CTNNA3: variants seen among roughly 807,000 people sequenced by gnomAD.
The protein encoded by CTNNA3 is catenin alpha-3.
In CTNNA3, 76 loss-of-function variants were observed where a neutral mutation model predicts 95.7. The observed-to-expected ratio is 0.79, with a 90% confidence interval of 0.66 to 0.96. The LOEUF (loss-of-function observed/expected upper bound fraction) is 0.96, where lower values mean the gene tolerates loss of function less well. Ranked by LOEUF, CTNNA3 falls within the 40% of genes least tolerant of loss-of-function variation. The pLI is 0.00. For missense variants in CTNNA3, 1,191 were observed against 1,089.8 expected, an observed-to-expected ratio of 1.09 and a Z score of -1.31; for synonymous variants, 431 against 374.4, an observed-to-expected ratio of 1.15 and a Z score of -1.74.
At chr10:66,866,031 A>C (rs1844161571) in intron 7 of CTNNA3, among the ~76,000 whole-genome samples, 1 of 152,198 alleles carries the variant, frequency 6.6e-6, no homozygotes, top group South Asian at 2.1e-4. Context: ...GAAATGCAAA[A>C]AAATCAAAGA....
chr10:67,443,132 T>G (rs1469571873), intron 5 of CTNNA3, among the ~76,000 whole-genome samples: 1 of 125,242 alleles, frequency 8.0e-6, no homozygotes, highest in Non-Finnish European at 1.8e-5. Flanking sequence ...AACTCATCAT[T>G]TTTTATGGCT....
intron 11 of CTNNA3, among the ~76,000 whole-genome samples, chr10:66,493,513 CTGTT>C (rs201869266): frequency 0.01 from 1,524 of 151,186 alleles, 25 homozygotes; most frequent in African/African-American, 0.035. Context: ...CTTTGGGAGT[CTGTT>C]TGTGAACTTT....
At chr10:67,740,293 C>A (rs1028019339) in intron 1 of CTNNA3, among the ~76,000 whole-genome samples, 2 of 151,972 alleles carry the variant, frequency 1.3e-5, no homozygotes, top group Non-Finnish European at 2.9e-5. Context: ...GCAACAAAAG[C>A]CAAAATTGAC....
At chr10:66,578,613 T>A (rs1843080844) in intron 10 of CTNNA3, among the ~76,000 whole-genome samples, 1 of 151,994 alleles carries the variant, frequency 6.6e-6, no homozygotes, top group Admixed American at 6.6e-5. Flanking sequence ...ATATGGTGAA[T>A]CACATGTATT....
At chr10:66,034,947 A>C (rs1330639364) in intron 15 of CTNNA3, among the ~76,000 whole-genome samples, 2 of 152,238 alleles carry the variant, frequency 1.3e-5, no homozygotes, top group Non-Finnish European at 2.9e-5. Context: ...AATAGTTAAT[A>C]ACTGTAACTA....
At chr10:66,238,573 TAGAG>T (rs2089969309) in intron 13 of CTNNA3, among the ~76,000 whole-genome samples, 1 of 151,840 alleles carries the variant, frequency 6.6e-6, no homozygotes, top group African/African-American at 2.4e-5. Context: ...ATGACTAACT[TAGAG>T]AGCAATAATG....
At chr10:67,384,731 A>C (rs1844081187) in intron 5 of CTNNA3, among the ~76,000 whole-genome samples, 1 of 152,208 alleles carries the variant, frequency 6.6e-6, no homozygotes, top group African/African-American at 2.4e-5. Context: ...GACTCAGTTT[A>C]GAGAAAAAGC....
chr10:66,672,429 CT>C (rs1167253628), intron 9 of CTNNA3, among the ~76,000 whole-genome samples: 12 of 152,100 alleles, frequency 7.9e-5, no homozygotes, highest in Admixed American at 3.9e-4. Flanking sequence ...AAGAAAGCCA[CT>C]TTCCTATTGA....
At chr10:67,697,432 C>A (rs1334333247), upstream of CTNNA3, among the ~76,000 whole-genome samples, 1 of 152,174 alleles carries the variant, frequency 6.6e-6, no homozygotes, top group Non-Finnish European at 1.5e-5. Context: ...CAAACCAGGA[C>A]TGTTGAATTG....
intron 5 of CTNNA3, among the ~76,000 whole-genome samples, chr10:67,223,515 A>C (rs1244763333): frequency 1.8e-4 from 28 of 152,166 alleles, no homozygotes. Flanking sequence ...CTCACAGGAG[A>C]TTTCCAAGTT....
chr10:66,736,872 T>C (rs1453718786), intron 9 of CTNNA3, among the ~76,000 whole-genome samples: 1 of 152,200 alleles, frequency 6.6e-6, no homozygotes, highest in African/African-American at 2.4e-5. Flanking sequence ...AAAATCACAT[T>C]ACTGTTTTGG....
intron 13 of CTNNA3, among the ~76,000 whole-genome samples, chr10:66,228,329 T>C (rs1274935536): frequency 6.6e-6 from 1 of 152,044 alleles, no homozygotes; most frequent in East Asian, 1.9e-4. Flanking sequence ...ACTACTGCTT[T>C]TGCTGTATCT....
intron 2 of CTNNA3, among the ~76,000 whole-genome samples, chr10:67,640,762 C>A (rs938208573): frequency 6.6e-6 from 1 of 152,118 alleles, no homozygotes; most frequent in African/African-American, 2.4e-5. Flanking sequence ...GGAAACGATT[C>A]CCTATTTAAT....
chr10:66,855,358 A>G (rs1843649380), intron 7 of CTNNA3, among the ~76,000 whole-genome samples: 1 of 152,030 alleles, frequency 6.6e-6, no homozygotes, highest in Admixed American at 6.6e-5. Flanking sequence ...TTTCTCAAGC[A>G]TACCCAAAGC....
At chr10:66,926,977 A>C (rs764923660) in intron 7 of CTNNA3, 1 of 1,614,070 alleles carries the variant, frequency 6.2e-7, no homozygotes, top group African/African-American at 1.3e-5. Flanking sequence ...TATAGCCCCC[A>C]CTGTCTTACT....
chr10:66,664,834 A>G (rs1846386199), intron 9 of CTNNA3, among the ~76,000 whole-genome samples: 1 of 151,816 alleles, frequency 6.6e-6, no homozygotes, highest in Admixed American at 6.6e-5. Flanking sequence ...CCTTACGACA[A>G]TATTATAAAG....
At chr10:65,955,504 G>A (rs939347356) in intron 17 of CTNNA3, among the ~76,000 whole-genome samples, 6 of 152,304 alleles carry the variant, frequency 3.9e-5, no homozygotes, top group Admixed American at 6.5e-5. Flanking sequence ...TGCCCATTCA[G>A]TATGATATTG....
At chr10:66,974,632 TAA>T (rs926583784) in intron 7 of CTNNA3, among the ~76,000 whole-genome samples, 1 of 152,238 alleles carries the variant, frequency 6.6e-6, no homozygotes, top group Non-Finnish European at 1.5e-5. Context: ...CAGTAATGTA[TAA>T]GAGTTTCATT....
rs1003025077 is a variant in CTNNA3 at position 67,737,732 on chromosome 10, G to A, written c.-2+25702C>T. On this transcript the variant is annotated intron_variant, in intron 1 of 17. Transcript: ENST00000684154. ...ACCATCTCACACCAGTTAGAATGGC[G>A]ATCATTAAAAAGGCAGGAAACAACA... is the stretch of plus-strand genomic sequence containing the variant. 3.8e-4 allele frequency among the ~76,000 whole-genome samples: 58 copies of A among 152,226 alleles called. 2 individuals carry two copies. The highest frequency in any genetic ancestry group is 2.0e-4 in the Admixed American group (3 of 15,276).
Sources: gnomAD v4.1 joint callset for allele counts (sites outside exome capture counted in the v4.1 genomes callset) on GRCh38, gnomAD v4.1.1 for gene constraint, MANE v1.5 for transcripts, NCBI Gene and HGNC (gene_info 2026-07-23, HGNC 2026-07-21) for gene names.